TMEM11: variants seen among roughly 807,000 people sequenced by gnomAD.
The protein encoded by TMEM11 is transmembrane protein 11.
TMEM11 carries 1 observed loss-of-function variant against 17.0 expected under a neutral mutation model. The ratio of observed to expected loss-of-function variants is 0.06; its 90% CI spans 0.02 to 0.28. The LOEUF (loss-of-function observed/expected upper bound fraction) is 0.28, where lower values mean the gene tolerates loss of function less well. Among genes scored for constraint, TMEM11 ranks in the 10% least tolerant of loss-of-function variants. The pLI, the probability that TMEM11 is intolerant of heterozygous loss-of-function variation, is 1.00. For synonymous variants in TMEM11, 122 were observed against 118.1 expected (o/e 1.03, Z -0.21); for missense variants, 172 against 252.9 (o/e 0.68, Z 2.17).
intron 1 of TMEM11, among the ~76,000 whole-genome samples, chr17:21,200,618 T>C (rs1974872896): frequency 1.3e-5 from 2 of 152,216 alleles, no homozygotes; most frequent in African/African-American, 4.8e-5. Context: ...GCTCCCCTGC[T>C]GGAGTCCATG....
chr17:21,209,849 G>A (rs995267895), intron 1 of TMEM11, among the ~76,000 whole-genome samples: 6 of 152,160 alleles, frequency 3.9e-5, no homozygotes, highest in African/African-American at 7.2e-5. Context: ...GCAGGGACAC[G>A]CCAGGAGTCT....
At position 21,214,153 on chromosome 17, in the gene TMEM11, C is replaced by T; in HGVS notation, c.-1G>A. On this transcript the variant is annotated 5_prime_UTR_variant, in exon 1 of 2. Coordinates refer to ENST00000317635, the MANE Select transcript of TMEM11 (RefSeq NM_003876.3). ...GACGCCTCCTTCCCCAAGCGGCCAT[C>T]TTGGAGACACTCTGCTTGCCAACGT... 6.2e-7 allele frequency: 1 copy of T among 1,612,362 alleles called. No homozygotes were observed. Among genetic ancestry groups the T allele is most frequent in the Non-Finnish European group, 8.5e-7 (1 of 1,179,600 alleles).
intron 1 of TMEM11, among the ~76,000 whole-genome samples, chr17:21,204,573 G>T (rs982016886): frequency 6.6e-6 from 1 of 151,780 alleles, no homozygotes; most frequent in South Asian, 2.1e-4. Context: ...ATTTTTAAAA[G>T]TCTCTATTTG....
At chr17:21,209,759 A>G (rs1974982640) in intron 1 of TMEM11, among the ~76,000 whole-genome samples, 1 of 152,158 alleles carries the variant, frequency 6.6e-6, no homozygotes, top group African/African-American at 2.4e-5. Context: ...ACAGAGCCAG[A>G]CCTGTCTCAT....
chr17:21,203,932 C>T (rs1974911198), intron 1 of TMEM11, among the ~76,000 whole-genome samples: 1 of 149,162 alleles, frequency 6.7e-6, no homozygotes, highest in African/African-American at 2.5e-5. Flanking sequence ...GTGATCTGAA[C>T]CCTGGTGCAT....
intron 1 of TMEM11, among the ~76,000 whole-genome samples, chr17:21,205,603 C>T (rs1974933959): frequency 6.6e-6 from 1 of 152,168 alleles, no homozygotes; most frequent in Admixed American, 6.5e-5. Context: ...TTCAGAGGCA[C>T]TAAGCACATG....
rs944513458 is a variant in TMEM11 at position 21,198,552 on chromosome 17, G to C, written c.351C>G (p.Ala117=). Residue 117 remains alanine (A), a synonymous_variant, in exon 2 of 2, where the codon GCC becomes GCG. Transcript: ENST00000317635. The surrounding 1 kb of genome is among the most constrained non-coding windows in gnomAD (Gnocchi z 6.5). ...AGGAGATCCCATAGAGGGTGCAGCAGGCCAGGCTCAGCACACCAGCGGGCA... is the reference window on the plus strand; with the variant it reads ...AGGAGATCCCATAGAGGGTGCAGCACGCCAGGCTCAGCACACCAGCGGGCA... ...ISLPAGVLSL[A]CCTLYGISWQ... The C allele has an allele frequency of 3.4e-5, 55 of 1,614,104 alleles. No individual in the cohort carries two copies. Among genetic ancestry groups the C allele is most frequent in the Non-Finnish European group, 4.4e-5 (52 of 1,180,026 alleles).
chr17:21,213,965 C>A lies in TMEM11; in HGVS notation c.62+126G>T, dbSNP rs1370211928. The A allele has an allele frequency of 6.5e-6, 6 of 927,722 alleles. No homozygotes were observed. In the Admixed American group the frequency reaches 1.6e-4, roughly 25 times the overall value. 57.5% of individuals were successfully genotyped at this position (927,722 alleles called of 1,614,324 possible). A position where few individuals can be genotyped will look rare whatever the true frequency, so the allele number is the denominator to read the frequency against. ...TCCTCCGGAACTGGAACCCAGTATG[C>A]CCGGCGAGGGTAGGGGGAGCGCGGG... On this transcript the variant is annotated intron_variant, in intron 1 of 1. Coordinates refer to ENST00000317635, the MANE Select transcript of TMEM11 (RefSeq NM_003876.3).
intron 1 of TMEM11, among the ~76,000 whole-genome samples, chr17:21,211,416 G>A (rs985164570): frequency 2.0e-5 from 3 of 152,218 alleles, no homozygotes; most frequent in Non-Finnish European, 4.4e-5. Context: ...CACTTGAAAT[G>A]TGGCTAGTGA....
intron 1 of TMEM11, among the ~76,000 whole-genome samples, chr17:21,208,771 G>C (rs1248591782): frequency 6.6e-6 from 1 of 152,146 alleles, no homozygotes; most frequent in Admixed American, 6.5e-5. Context: ...CCCAGCACTG[G>C]GCCTGAATGT....
chr17:21,203,950 C>CT (rs1179243528), intron 1 of TMEM11, among the ~76,000 whole-genome samples: 7 of 59,722 alleles, frequency 1.2e-4, no homozygotes, highest in South Asian at 6.6e-4. Flanking sequence ...CATGGGAGAT[C>CT]TTTTTTTTTC....
chr17:21,205,785 A>T (rs1974935781), intron 1 of TMEM11, among the ~76,000 whole-genome samples: 1 of 152,074 alleles, frequency 6.6e-6, no homozygotes, highest in Non-Finnish European at 1.5e-5. Flanking sequence ...ACTTCATACA[A>T]GTTGGATCAT....
chr17:21,205,479 C>T (rs572556695), intron 1 of TMEM11, among the ~76,000 whole-genome samples: 4 of 152,254 alleles, frequency 2.6e-5, no homozygotes, highest in African/African-American at 4.8e-5. Flanking sequence ...GCCAGGGTAA[C>T]GCTAGTTCTC....
chr17:21,198,193 T>C lies in TMEM11; in HGVS notation c.*131A>G. ...CCCTGGGTACACCCGTGATCTGTTA[T>C]TTTTTAAAAATAACAAATACTAAGC... On this transcript the variant is annotated 3_prime_UTR_variant, in exon 2 of 2. Coordinates refer to ENST00000317635, the MANE Select transcript of TMEM11 (RefSeq NM_003876.3). This position sits in a 1 kb window ranked among gnomAD's most constrained non-coding sequence, Gnocchi z 6.5. 8.0e-7 allele frequency: 1 copy of C among 1,244,162 alleles called. No homozygotes were observed. The highest frequency in any genetic ancestry group is 1.5e-5 in the South Asian group (1 of 67,784). The allele number at this position is 1,244,162 out of a possible 1,614,324, so 77.1% of individuals were successfully genotyped here.
At position 21,198,753 on chromosome 17, in the gene TMEM11, C is replaced by T. The variant is rs768402667; in HGVS notation, c.150G>A (p.Glu50=). ...ACTTGTACTGGGCTTCCAGGGCCTG[C>T]TCCAGCTCGTACTCAAACTGGTCTT... The part of the protein sequence containing the change: ...NAQDQFEYEL[E]QALEAQYKYI... The change falls in exon 2 of 2, where the codon GAG becomes GAA. Residue 50 remains glutamate, a synonymous_variant. Coordinates refer to ENST00000317635, the MANE Select transcript of TMEM11 (RefSeq NM_003876.3). This position sits in a 1 kb window ranked among gnomAD's most constrained non-coding sequence, Gnocchi z 6.5. The T allele has an allele frequency of 2.4e-5, 39 of 1,614,096 alleles. No individual in the cohort carries two copies. Among genetic ancestry groups the T allele is most frequent in the Non-Finnish European group, 3.3e-5 (39 of 1,180,046 alleles).
At chr17:21,206,050 G>C (rs985323033) in intron 1 of TMEM11, among the ~76,000 whole-genome samples, 7 of 151,510 alleles carry the variant, frequency 4.6e-5, no homozygotes, top group East Asian at 1.9e-4. Flanking sequence ...CTTTTTTTGG[G>C]GGGGGGGTAT....
At chr17:21,206,442 C>T (rs981059495) in intron 1 of TMEM11, among the ~76,000 whole-genome samples, 4 of 152,072 alleles carry the variant, frequency 2.6e-5, no homozygotes, top group African/African-American at 7.2e-5. Context: ...AGGCTGGTCT[C>T]GAACTCCTAA....
Position 21,198,171 on chromosome 17 carries a change from T to C in TMEM11, c.*153A>G. 1.0e-6 allele frequency: 1 copy of C among 999,750 alleles called. No homozygotes were observed. Among genetic ancestry groups the C allele is most frequent in the South Asian group, 1.7e-5 (1 of 59,550 alleles). 61.9% of individuals were successfully genotyped at this position (999,750 alleles called of 1,614,324 possible). A position where few individuals can be genotyped will look rare whatever the true frequency, so the allele number is the denominator to read the frequency against. ...CTTAGTGTAATGAGCTGAAAAACCC[T>C]GGGTACACCCGTGATCTGTTATTTT... On this transcript the variant is annotated 3_prime_UTR_variant, in exon 2 of 2. Transcript: ENST00000317635. The surrounding 1 kb of genome is among the most constrained non-coding windows in gnomAD (Gnocchi z 6.5).
intron 1 of TMEM11, among the ~76,000 whole-genome samples, chr17:21,206,500 A>C (rs1410671286): frequency 6.6e-6 from 1 of 151,976 alleles, no homozygotes; most frequent in African/African-American, 2.4e-5. Context: ...TACAAGTAAG[A>C]GCCATTGTAC....
Sources: allele counts gnomAD v4.1 joint callset (sites outside exome capture counted in the v4.1 genomes callset), GRCh38; gene constraint gnomAD v4.1.1; non-coding constraint Gnocchi (gnomAD v3.1); transcripts MANE v1.5; gene names NCBI Gene and HGNC (gene_info 2026-07-23, HGNC 2026-07-21).